Variants in LRP1B observed in about 807,000 individuals in gnomAD.
The protein encoded by LRP1B is low-density lipoprotein receptor-related protein 1B.
Under a neutral mutation model 556.6 loss-of-function variants are expected in LRP1B, and 217 were observed. That is an observed-to-expected ratio of 0.39 (90% CI 0.35 to 0.44). The LOEUF is 0.44. LRP1B is among the 20% of genes least tolerant of loss of function. The probability of loss-of-function intolerance (pLI) is 1.00; values close to 1 mark genes in which losing one functional copy is unlikely to be tolerated. For synonymous variants in LRP1B, 2,047 were observed against 1,865.8 expected, an observed-to-expected ratio of 1.10 and a Z score of -2.50; for missense variants, 5,053 against 5,620.8, an observed-to-expected ratio of 0.90 and a Z score of 3.23.
At chr2:141,610,206 T>C (rs1254512881) in intron 2 of LRP1B, among the ~76,000 whole-genome samples, 5 of 138,640 alleles carry the variant, frequency 3.6e-5, no homozygotes, top group African/African-American at 1.3e-4. Flanking sequence ...TTAGGAGATA[T>C]ACCTAATGCT....
intron 71 of LRP1B, among the ~76,000 whole-genome samples, chr2:140,367,942 CAT>C (rs1156252926): frequency 1.3e-5 from 2 of 151,730 alleles, no homozygotes; most frequent in Admixed American, 6.6e-5. Context: ...ATTTTCTCCA[CAT>C]GAGTGTTGGA....
intron 66 of LRP1B, among the ~76,000 whole-genome samples, chr2:140,438,505 A>T (rs1467539897): frequency 6.6e-6 from 1 of 152,230 alleles, no homozygotes. Context: ...CTGTAGCTTG[A>T]GTAGTCTGTT....
intron 7 of LRP1B, among the ~76,000 whole-genome samples, chr2:141,116,378 G>A (rs550080034): frequency 2.0e-4 from 30 of 152,172 alleles, no homozygotes; most frequent in South Asian, 4.1e-4. Flanking sequence ...TTTAAAAATC[G>A]TTTCTGATAA....
intron 62 of LRP1B, among the ~76,000 whole-genome samples, chr2:140,455,404 C>A (rs1409653515): frequency 6.6e-6 from 1 of 152,122 alleles, no homozygotes; most frequent in Non-Finnish European, 1.5e-5. Flanking sequence ...TACTATGTAC[C>A]AGGAACTTTT....
chr2:141,979,921 T>C (rs567836985), intron 1 of LRP1B, among the ~76,000 whole-genome samples: 4 of 152,244 alleles, frequency 2.6e-5, no homozygotes, highest in African/African-American at 9.6e-5. Context: ...ATTTTCCAGT[T>C]CTTGTAATTG....
chr2:141,579,410 A>C (rs978194649), intron 2 of LRP1B, among the ~76,000 whole-genome samples: 4 of 152,168 alleles, frequency 2.6e-5, no homozygotes, highest in Non-Finnish European at 5.9e-5. Context: ...TAAAAAGAAG[A>C]TCTCCAGCCT....
chr2:141,336,247 C>A lies in LRP1B; in HGVS notation c.344-81606G>T, dbSNP rs558164029. Among the ~76,000 whole-genome samples, 42 of 152,044 alleles carry A rather than the reference C, an allele frequency of 2.8e-4. No individual in the cohort carries two copies. The South Asian group carries it at 8.5e-3, about 31-fold the overall frequency. ...TTCCTGTCTCTTAAATGGTGATGTT[C>A]CCCAGAATTATAAGTTTACTGCACC... On this transcript the variant is annotated intron_variant, in intron 3 of 90. Transcript: ENST00000389484.
At chr2:141,623,632 A>G (rs888118736) in intron 2 of LRP1B, among the ~76,000 whole-genome samples, 1 of 152,160 alleles carries the variant, frequency 6.6e-6, no homozygotes, top group Admixed American at 6.5e-5. Flanking sequence ...TTTGGTGTAG[A>G]GTAACAAGCA....
chr2:141,805,777 G>A (rs967954734), intron 2 of LRP1B: 2 of 152,178 alleles, frequency 1.3e-5, no homozygotes, highest in East Asian at 3.9e-4. Flanking sequence ...TAAAAACAAA[G>A]AATATGCAGC....
chr2:141,436,107 T>C (rs191619537), intron 3 of LRP1B, among the ~76,000 whole-genome samples: 193 of 152,354 alleles, frequency 1.3e-3, no homozygotes, highest in African/African-American at 4.5e-3. Context: ...TGTCTATTTA[T>C]TTATCCAGCT....
intron 1 of LRP1B, among the ~76,000 whole-genome samples, chr2:141,922,159 T>C (rs2104975378): frequency 6.6e-6 from 1 of 152,282 alleles, no homozygotes; most frequent in South Asian, 2.1e-4. Flanking sequence ...AAAATCTTGT[T>C]TGTAAAAACA....
intron 2 of LRP1B, among the ~76,000 whole-genome samples, chr2:141,492,091 A>AAAAAAAAAAC (rs67960557): frequency 0.07 from 6,998 of 100,014 alleles, 625 homozygotes; most frequent in Non-Finnish European, 0.092. Context: ...AAAAAAAAAA[A>AAAAAAAAAAC]CACTAAGAAA....
chr2:141,022,251 C>A (rs1270105088), intron 11 of LRP1B, among the ~76,000 whole-genome samples: 1 of 151,042 alleles, frequency 6.6e-6, no homozygotes, highest in Non-Finnish European at 1.5e-5. Flanking sequence ...AGGAATTAGC[C>A]TAGATTATTT....
intron 21 of LRP1B, among the ~76,000 whole-genome samples, chr2:140,918,445 A>G (rs1438595160): frequency 6.6e-6 from 1 of 152,024 alleles, no homozygotes; most frequent in Non-Finnish European, 1.5e-5. Context: ...ATAAATTCCT[A>G]GAGGTGGAAT....
chr2:141,022,468 A>T (rs1307459790), intron 11 of LRP1B, among the ~76,000 whole-genome samples: 1 of 152,018 alleles, frequency 6.6e-6, no homozygotes, highest in Admixed American at 6.6e-5. Context: ...CTCCACAAAT[A>T]TACATTGATA....
At chr2:140,312,761 C>T (rs1462956577) in intron 83 of LRP1B, among the ~76,000 whole-genome samples, 2 of 151,774 alleles carry the variant, frequency 1.3e-5, no homozygotes, top group Non-Finnish European at 2.9e-5. Flanking sequence ...ATAGCTCATA[C>T]ATTTAATTTT....
At chr2:140,462,300 T>C (rs1364914758) in intron 60 of LRP1B, among the ~76,000 whole-genome samples, 3 of 152,208 alleles carry the variant, frequency 2.0e-5, no homozygotes, top group African/African-American at 7.2e-5. Flanking sequence ...CAATCTCTTT[T>C]ATATTAGTCA....
intron 2 of LRP1B, among the ~76,000 whole-genome samples, chr2:141,486,334 G>T (rs1158827637): frequency 6.6e-6 from 1 of 152,088 alleles, no homozygotes; most frequent in Non-Finnish European, 1.5e-5. Context: ...ATAATGCAAG[G>T]ATAATGGGAT....
chr2:141,347,398 G>C (rs1174342038), intron 3 of LRP1B, among the ~76,000 whole-genome samples: 5 of 151,968 alleles, frequency 3.3e-5, no homozygotes, highest in African/African-American at 1.2e-4. Flanking sequence ...GTAGGTTAAA[G>C]AGTTTTGATT....
Sources: gnomAD v4.1 joint callset for allele counts (sites outside exome capture counted in the v4.1 genomes callset) on GRCh38, gnomAD v4.1.1 for gene constraint, MANE v1.5 for transcripts, NCBI Gene and HGNC (gene_info 2026-07-23, HGNC 2026-07-21) for gene names.